The following RALYL variants were observed in gnomAD, a reference collection of about 807,000 sequenced individuals.
RALYL encodes RALY RNA binding protein like.
Under a neutral mutation model 35.1 loss-of-function variants are expected in RALYL, and 29 were observed. That is an observed-to-expected ratio of 0.83 (90% CI 0.61 to 1.13). The LOEUF is 1.13. RALYL is among the 50% of genes most tolerant of loss of function. RALYL has a pLI of 0.00. For missense variants in RALYL, 359 were observed against 360.4 expected (o/e 1.00, Z 0.03); for synonymous variants, 120 against 127.6 (o/e 0.94, Z 0.40).
chr8:84,649,457 A>T (rs1828222591), intron 2 of RALYL, among the ~76,000 whole-genome samples: 1 of 151,770 alleles, frequency 6.6e-6, no homozygotes. Flanking sequence ...TAATTTTTGT[A>T]TAAGGTGTAA....
intron 4 of RALYL, among the ~76,000 whole-genome samples, chr8:84,840,608 T>A (rs888364125): frequency 6.6e-6 from 1 of 152,002 alleles, no homozygotes; most frequent in Admixed American, 6.6e-5. Context: ...ATTCAGGAAA[T>A]ACAGAGAACG....
At chr8:84,874,710 GAAAT>G (rs1011727688) in intron 7 of RALYL, among the ~76,000 whole-genome samples, 1 of 152,174 alleles carries the variant, frequency 6.6e-6, no homozygotes, top group African/African-American at 2.4e-5. Flanking sequence ...ATGGATGAGA[GAAAT>G]AAACTCTGGT....
intron 1 of RALYL, among the ~76,000 whole-genome samples, chr8:84,456,726 A>G (rs1004217826): frequency 2.6e-5 from 4 of 152,062 alleles, no homozygotes; most frequent in African/African-American, 7.2e-5. Flanking sequence ...AGGGGAAAGC[A>G]TATTATATAT....
intron 2 of RALYL, among the ~76,000 whole-genome samples, chr8:84,592,253 G>A (rs548536210): frequency 1.3e-5 from 2 of 152,084 alleles, no homozygotes; most frequent in African/African-American, 4.8e-5. Context: ...TAAGGAAATG[G>A]TAGCAGATAT....
intron 2 of RALYL, among the ~76,000 whole-genome samples, chr8:84,621,095 C>T (rs1215534137): frequency 6.6e-6 from 1 of 152,322 alleles, no homozygotes; most frequent in African/African-American, 2.4e-5. Flanking sequence ...AGGCAGGCCT[C>T]CTTGAGCTGT....
intron 1 of RALYL, among the ~76,000 whole-genome samples, chr8:84,210,592 C>T (rs1586203043): frequency 6.6e-6 from 1 of 152,086 alleles, no homozygotes; most frequent in Non-Finnish European, 1.5e-5. Flanking sequence ...GGATCATTCC[C>T]TCTACCAGTG....
At chr8:84,602,820 C>T (rs1322621413) in intron 2 of RALYL, among the ~76,000 whole-genome samples, 1 of 152,036 alleles carries the variant, frequency 6.6e-6, no homozygotes, top group Non-Finnish European at 1.5e-5. Context: ...ATAATAAAGT[C>T]AGCAAAATAA....
At chr8:84,283,929 A>G (rs1055712510) in intron 1 of RALYL, among the ~76,000 whole-genome samples, 3 of 152,118 alleles carry the variant, frequency 2.0e-5, no homozygotes, top group African/African-American at 7.2e-5. Flanking sequence ...TATTGGTTAT[A>G]TGTATTAAAT....
intron 1 of RALYL, among the ~76,000 whole-genome samples, chr8:84,262,029 C>T (rs6473537): frequency 0.43 from 64,970 of 151,908 alleles, 14,086 homozygotes; most frequent in East Asian, 0.53. Flanking sequence ...AAATGTTCTT[C>T]TACATCACTA....
intron 2 of RALYL, among the ~76,000 whole-genome samples, chr8:84,772,766 A>C (rs1196640835): frequency 6.6e-6 from 1 of 152,082 alleles, no homozygotes; most frequent in Non-Finnish European, 1.5e-5. Flanking sequence ...TATCATCAGC[A>C]ATTAGTGACA....
intron 1 of RALYL, among the ~76,000 whole-genome samples, chr8:84,345,163 C>A (rs535318485): frequency 6.6e-6 from 1 of 150,744 alleles, no homozygotes; most frequent in Non-Finnish European, 1.5e-5. Context: ...TTTACACTCT[C>A]ACCAACAGTG....
intron 1 of RALYL, among the ~76,000 whole-genome samples, chr8:84,287,042 A>C (rs545623826): frequency 1.3e-5 from 2 of 152,280 alleles, no homozygotes; most frequent in Admixed American, 1.3e-4. Context: ...GTTTTAAGCT[A>C]CTGTTACTTT....
chr8:84,749,139 G>T (rs1809339133), intron 2 of RALYL, among the ~76,000 whole-genome samples: 1 of 152,070 alleles, frequency 6.6e-6, no homozygotes, highest in African/African-American at 2.4e-5. Context: ...AATGCAGATT[G>T]AAATCCAGAC....
At chr8:84,606,023 C>A (rs1407725685) in intron 2 of RALYL, among the ~76,000 whole-genome samples, 1 of 152,064 alleles carries the variant, frequency 6.6e-6, no homozygotes, top group Non-Finnish European at 1.5e-5. Flanking sequence ...AGCCCCTGGG[C>A]CCCATCCTAA....
chr8:84,373,480 T>C (rs1335740995), intron 1 of RALYL, among the ~76,000 whole-genome samples: 1 of 152,090 alleles, frequency 6.6e-6, no homozygotes, highest in East Asian at 1.9e-4. Context: ...CAGGGAATTA[T>C]TTCCCTATTG....
intron 1 of RALYL, among the ~76,000 whole-genome samples, chr8:84,320,863 A>G (rs1844681380): frequency 6.6e-6 from 1 of 152,128 alleles, no homozygotes; most frequent in African/African-American, 2.4e-5. Context: ...CTCTTTCTAC[A>G]GTGCCTCTGA....
chr8:84,447,873 A>C (rs757412667), intron 1 of RALYL, among the ~76,000 whole-genome samples: 12 of 152,026 alleles, frequency 7.9e-5, no homozygotes, highest in Non-Finnish European at 1.8e-4. Context: ...AAACTGTTTT[A>C]AGATTCTAGT....
At chr8:84,852,188 A>T (rs1221335806) in intron 5 of RALYL, among the ~76,000 whole-genome samples, 1 of 152,174 alleles carries the variant, frequency 6.6e-6, no homozygotes, top group African/African-American at 2.4e-5. Context: ...TGCGATTCCT[A>T]CTTGAGAATC....
Position 84,548,583 on chromosome 8 carries a change from T to C in RALYL, c.256+19006T>C, listed in dbSNP as rs563508298. ...TATTTGGAGACTTGAATGTGATCTA[T>C]TCCTGTTGTACATCTTAAAAGGAAA... On this transcript the variant is annotated intron_variant, in intron 2 of 8. Coordinates refer to ENST00000521268, the MANE Select transcript of RALYL (RefSeq NM_173848.7). Among the ~76,000 whole-genome samples the C allele has an allele frequency of 3.3e-5, 5 of 152,332 alleles. No homozygotes were observed. In the East Asian group the frequency reaches 9.6e-4, roughly 29 times the overall value.
Sources: gnomAD v4.1 joint callset for allele counts (sites outside exome capture counted in the v4.1 genomes callset) on GRCh38, gnomAD v4.1.1 for gene constraint, MANE v1.5 for transcripts, NCBI Gene and HGNC (gene_info 2026-07-23, HGNC 2026-07-21) for gene names.